Variants in ENTHD1 observed in about 807,000 individuals in gnomAD.
ENTHD1 encodes ENTH domain-containing protein 1.
In ENTHD1, 23 loss-of-function variants were observed where a neutral mutation model predicts 39.1. That is an observed-to-expected ratio of 0.59 (90% confidence interval 0.42 to 0.83). The LOEUF (loss-of-function observed/expected upper bound fraction) is 0.83. Ranked by LOEUF, ENTHD1 falls within the 40% of genes least tolerant of loss-of-function variation. The pLI is 0.00. For synonymous variants in ENTHD1, 230 were observed against 258.2 expected, an observed-to-expected ratio of 0.89 and a Z score of 1.05; for missense variants, 624 against 705.4, an observed-to-expected ratio of 0.88 and a Z score of 1.31.
intron 6 of ENTHD1, among the ~76,000 whole-genome samples, chr22:39,744,691 T>C (rs1208041889): frequency 6.6e-6 from 1 of 152,182 alleles, no homozygotes; most frequent in Non-Finnish European, 1.5e-5. Flanking sequence ...CTTCAACTTT[T>C]TAATTTTTTT....
intron 3 of ENTHD1, among the ~76,000 whole-genome samples, chr22:39,854,480 G>GT (rs2066069154): frequency 6.6e-6 from 1 of 152,210 alleles, no homozygotes; most frequent in South Asian, 2.1e-4. Flanking sequence ...TGGTCTGGCT[G>GT]TAAGTAGTGC....
chr22:39,836,087 C>T (rs1440450268), intron 3 of ENTHD1, 129 bp from the exon 4 acceptor site: 1 of 560,204 alleles, frequency 1.8e-6, no homozygotes, highest in African/African-American at 1.9e-5. Flanking sequence ...AACCATCTGC[C>T]AGTGGTAACC....
rs558826373 is a variant in ENTHD1 at position 39,858,406 on chromosome 22, A to G, written c.592+3359T>C. 7.2e-5 allele frequency among the ~76,000 whole-genome samples: 11 copies of G among 152,292 alleles called. No individual in the cohort carries two copies. The South Asian group carries it at 2.3e-3, about 32-fold the overall frequency. On this transcript the variant is annotated intron_variant, in intron 3 of 6. Coordinates refer to ENST00000325157, the MANE Select transcript of ENTHD1 (RefSeq NM_152512.4). ...CCTCCACTGAAGTCTTGAACCCCTC[A>G]AAGTCATCCATAAGGGTTGGAATCC...
chr22:39,769,307 T>A (rs1259109973), intron 5 of ENTHD1, among the ~76,000 whole-genome samples: 1 of 152,088 alleles, frequency 6.6e-6, no homozygotes, highest in East Asian at 1.9e-4. Flanking sequence ...GGCCAGTGAT[T>A]TAAAGAAGCA....
chr22:39,847,338 G>A (rs1014403415), intron 3 of ENTHD1, among the ~76,000 whole-genome samples: 2 of 135,426 alleles, frequency 1.5e-5, no homozygotes, highest in Admixed American at 8.0e-5. Flanking sequence ...CATGGACACA[G>A]GAAGGGGAAC....
Position 39,743,956 on chromosome 22 carries a change from A to T in ENTHD1, c.1547T>A (p.Phe516Tyr). 6.2e-7 allele frequency: 1 copy of T among 1,614,006 alleles called. No individual in the cohort carries two copies. The change falls in exon 7 of 7, where the codon TTT becomes TAT. Residue 516 changes from phenylalanine (F) to tyrosine (Y), a missense_variant. Transcript: ENST00000325157. ...GAACTGGTCTACATTTTGGGTGGAA[A>T]ACTCCCCCCAGTGACTACTAGAAAT... is the stretch of plus-strand genomic sequence containing the variant. The part of the protein sequence containing the change: ...SHISSSHWGE[F>Y]STQNVDQFIP...
intron 1 of ENTHD1, among the ~76,000 whole-genome samples, chr22:39,890,381 C>T (rs1555947944): frequency 6.6e-6 from 1 of 151,634 alleles, no homozygotes; most frequent in Non-Finnish European, 1.5e-5. Flanking sequence ...TTCTATTGTC[C>T]TTTTTTTCCT....
rs376954364 is a variant in ENTHD1 at position 39,861,748 on chromosome 22, A to G, written c.592+17T>C. 259 of 1,455,028 alleles carry G rather than the reference A, an allele frequency of 1.8e-4. 1 individual carries two copies. Among genetic ancestry groups the G allele is most frequent in the Non-Finnish European group, 1.4e-5 (15 of 1,090,330 alleles). The allele number at this position is 1,455,028 out of a possible 1,614,324, so 90.1% of individuals were successfully genotyped here. On this transcript the variant is annotated intron_variant, in intron 3 of 6. Coordinates refer to ENST00000325157, the MANE Select transcript of ENTHD1 (RefSeq NM_152512.4). The stretch of plus-strand genomic sequence containing the variant: ...ATGATACCTGTTGCATTTTAGGCCA[A>G]TGTTCATTATACGTACTTTTATTAT...
At chr22:39,858,650 G>A (rs1465310851) in intron 3 of ENTHD1, among the ~76,000 whole-genome samples, 1 of 152,252 alleles carries the variant, frequency 6.6e-6, no homozygotes, top group East Asian at 1.9e-4. Flanking sequence ...TTGATCCATG[G>A]GCTGAAGAAT....
At chr22:39,804,248 G>A (rs1411020255) in intron 5 of ENTHD1, among the ~76,000 whole-genome samples, 2 of 152,038 alleles carry the variant, frequency 1.3e-5, no homozygotes, top group African/African-American at 2.4e-5. Flanking sequence ...CACTTTGGGA[G>A]GTTGAAGTGG....
rs1475692103 is a variant in ENTHD1, at chr22:39,743,884, TG to T, written c.1618del (p.Gln540ArgfsTer13). On this transcript the variant is annotated frameshift_variant, in exon 7 of 7. Transcript: ENST00000325157. LOFTEE classifies it low-confidence loss of function (END_TRUNC). Reference sequence around the variant, plus strand: ...AATGGAATTCTTTGCTTCAGGTTCCTGGGGGAAGTCTTTGGTTGACTGAAAA... The same window carrying T: ...AATGGAATTCTTTGCTTCAGGTTCCTGGGGAAGTCTTTGGTTGACTGAAAA... ...SGFQSTKDFP[Q>X]EPEAKNSISV... is the part of the protein sequence containing the mutation. 6.2e-7 allele frequency: 1 copy of T among 1,614,178 alleles called. No individual in the cohort carries two copies.
chr22:39,759,526 A>G (rs2065213112), intron 6 of ENTHD1, among the ~76,000 whole-genome samples: 2 of 152,070 alleles, frequency 1.3e-5, no homozygotes, highest in Non-Finnish European at 1.5e-5. Flanking sequence ...ATAGGGATTT[A>G]TAAATTTTAA....
chr22:39,780,210 C>A (rs777159438), intron 5 of ENTHD1, among the ~76,000 whole-genome samples: 22 of 151,944 alleles, frequency 1.4e-4, no homozygotes, highest in African/African-American at 5.3e-4. Context: ...CTTGTCTCTG[C>A]TAAAAATACA....
intron 1 of ENTHD1, among the ~76,000 whole-genome samples, chr22:39,888,383 T>G (rs917191841): frequency 1.3e-5 from 2 of 148,610 alleles, no homozygotes; most frequent in African/African-American, 4.9e-5. Flanking sequence ...TTCTCCTGCC[T>G]CCGCCTCCCA....
At chr22:39,814,870 T>C (rs1013923953) in intron 5 of ENTHD1, among the ~76,000 whole-genome samples, 5 of 152,030 alleles carry the variant, frequency 3.3e-5, no homozygotes, top group African/African-American at 9.7e-5. Context: ...AAGATACATA[T>C]GAAAAGTACA....
intron 5 of ENTHD1, among the ~76,000 whole-genome samples, chr22:39,782,983 G>A (rs55923802): frequency 0.21 from 32,314 of 152,002 alleles, 3,873 homozygotes; most frequent in African/African-American, 0.3. Flanking sequence ...AGAAAGAAGT[G>A]AAATTAGCCT....
rs144258036 is a variant in ENTHD1 at position 39,863,924 on chromosome 22, A to G, written c.350-1917T>C. On this transcript the variant is annotated intron_variant, in intron 2 of 6. Transcript: ENST00000325157. ...TCAAGTTGCCATCTTTTCCAAGATT[A>G]TTTTATCTAATCTCACTTCTTAGTT... Among the ~76,000 whole-genome samples the G allele has an allele frequency of 6.4e-3, 981 of 152,324 alleles. 7 individuals carry two copies. Among genetic ancestry groups the G allele is most frequent in the Admixed American group, 0.012 (176 of 15,298 alleles).
In ENTHD1 at chr22:39,876,112, T is replaced by C. The variant is rs1263095525; in HGVS notation, c.349+11288A>G. 62 of 1,598,142 alleles carry C rather than the reference T, an allele frequency of 3.9e-5. No individual in the cohort carries two copies. The Admixed American group carries it at 1.0e-3, about 27-fold the overall frequency. On this transcript the variant is annotated intron_variant, in intron 2 of 6. Coordinates refer to ENST00000325157, the MANE Select transcript of ENTHD1 (RefSeq NM_152512.4). ...CCAGTGACGATATGGTGATTGTTGGTTAGAGACTTGGACTCAAGTCATAGG... is the reference window on the plus strand; with the variant it reads ...CCAGTGACGATATGGTGATTGTTGGCTAGAGACTTGGACTCAAGTCATAGG...
At chr22:39,778,927 C>T (rs1708618700) in intron 5 of ENTHD1, among the ~76,000 whole-genome samples, 1 of 152,096 alleles carries the variant, frequency 6.6e-6, no homozygotes, top group African/African-American at 2.4e-5. Context: ...AGCCTTTAAA[C>T]CTTAAAATTA....
Sources: allele counts gnomAD v4.1 joint callset (sites outside exome capture counted in the v4.1 genomes callset), GRCh38; gene constraint gnomAD v4.1.1; transcripts MANE v1.5; gene names NCBI Gene and HGNC (gene_info 2026-07-23, HGNC 2026-07-21).